Variants in PALM2AKAP2 observed in about 807,000 individuals in gnomAD.
PALM2AKAP2 encodes the protein PALM2-AKAP2 fusion protein.
A neutral mutation model predicts 71.5 loss-of-function variants in PALM2AKAP2; 37 were observed. That is an observed-to-expected ratio of 0.52 (90% CI 0.40 to 0.68). The LOEUF (loss-of-function observed/expected upper bound fraction) is 0.68, where lower values mean the gene tolerates loss of function less well. Among genes scored for constraint, PALM2AKAP2 ranks in the 30% least tolerant of loss-of-function variants. The pLI is 0.00. For missense variants in PALM2AKAP2, 1,224 were observed against 1,191.8 expected, an observed-to-expected ratio of 1.03 and a Z score of -0.40; for synonymous variants, 468 against 478.8, an observed-to-expected ratio of 0.98 and a Z score of 0.29.
At chr9:110,155,163 G>T (rs1321790895) in intron 2 of PALM2AKAP2, among the ~76,000 whole-genome samples, 32 of 152,164 alleles carry the variant, frequency 2.1e-4, no homozygotes, top group Non-Finnish European at 2.9e-5. Flanking sequence ...GCTACATCAG[G>T]CAGTTGCCAA....
chr9:109,854,233 A>T (rs1829093871), intron 1 of PALM2AKAP2, among the ~76,000 whole-genome samples: 1 of 152,242 alleles, frequency 6.6e-6, no homozygotes. Context: ...GTCACCACCA[A>T]AGAGGAGACA....
upstream of PALM2AKAP2, among the ~76,000 whole-genome samples, chr9:110,045,621 G>T (rs1313651142): frequency 6.6e-6 from 1 of 151,958 alleles, no homozygotes; most frequent in Non-Finnish European, 1.5e-5. Context: ...AGGCTGGAGT[G>T]CAGTGGTGCA....
intron 6 of PALM2AKAP2, among the ~76,000 whole-genome samples, chr9:109,940,183 G>A (rs756260542): frequency 5.3e-4 from 80 of 152,124 alleles, no homozygotes; most frequent in Non-Finnish European, 8.7e-4. Context: ...TGACAGGGAG[G>A]GGGCATCATG....
At chr9:110,024,676 T>C (rs1218308536) in intron 7 of PALM2AKAP2, among the ~76,000 whole-genome samples, 1 of 151,696 alleles carries the variant, frequency 6.6e-6, no homozygotes, top group Non-Finnish European at 1.5e-5. Flanking sequence ...CCCAGCTACA[T>C]GGGAGGCTGA....
At chr9:110,110,316 C>G (rs1394651561) in intron 1 of PALM2AKAP2, among the ~76,000 whole-genome samples, 2 of 152,094 alleles carry the variant, frequency 1.3e-5, no homozygotes, top group Non-Finnish European at 2.9e-5. Flanking sequence ...GTGCCCTAGT[C>G]AGGGCTTGGT....
At chr9:109,641,783 A>C (rs1827073940) in intron 1 of PALM2AKAP2, among the ~76,000 whole-genome samples, 1 of 152,164 alleles carries the variant, frequency 6.6e-6, no homozygotes, top group Non-Finnish European at 1.5e-5. Flanking sequence ...TCATATTTCA[A>C]GTTAGAGATA....
chr9:109,994,292 T>C (rs1214185817), intron 6 of PALM2AKAP2, among the ~76,000 whole-genome samples: 1 of 152,238 alleles, frequency 6.6e-6, no homozygotes, highest in African/African-American at 2.4e-5. Context: ...TGTATCCACT[T>C]TGATGCTAAG....
chr9:110,101,233 T>G (rs1327529202), intron 1 of PALM2AKAP2, among the ~76,000 whole-genome samples: 4 of 151,942 alleles, frequency 2.6e-5, no homozygotes, highest in Non-Finnish European at 5.9e-5. Context: ...AAACAGAAAT[T>G]TTAAAAAGAC....
intron 1 of PALM2AKAP2, among the ~76,000 whole-genome samples, chr9:109,694,815 A>AGACT (rs1827945448): frequency 6.6e-6 from 1 of 152,088 alleles, no homozygotes; most frequent in Non-Finnish European, 1.5e-5. Context: ...GTACAGAATC[A>AGACT]GACTTAGACA....
At chr9:110,065,927 A>G (rs1213021463) in intron 1 of PALM2AKAP2, among the ~76,000 whole-genome samples, 1 of 152,190 alleles carries the variant, frequency 6.6e-6, no homozygotes, top group Non-Finnish European at 1.5e-5. Flanking sequence ...TTGTGTTTAT[A>G]TGCCACATTT....
chr9:109,838,671 C>T (rs112445653), intron 1 of PALM2AKAP2, among the ~76,000 whole-genome samples: 4,936 of 152,144 alleles, frequency 0.032, 102 homozygotes, highest in Non-Finnish European at 0.042. Flanking sequence ...ATCAAATAGA[C>T]GCAACAAAAT....
chr9:110,007,083 G>A (rs908875862), intron 6 of PALM2AKAP2, among the ~76,000 whole-genome samples: 1 of 152,150 alleles, frequency 6.6e-6, no homozygotes, highest in Non-Finnish European at 1.5e-5. Flanking sequence ...TTCTTAAAAA[G>A]GGAGGAGAGG....
intron 1 of PALM2AKAP2, among the ~76,000 whole-genome samples, chr9:109,664,414 T>C (rs1223143583): frequency 6.6e-6 from 1 of 152,226 alleles, no homozygotes; most frequent in Non-Finnish European, 1.5e-5. Flanking sequence ...CATTTGCTTC[T>C]CTGTAAAGGA....
intron 1 of PALM2AKAP2, among the ~76,000 whole-genome samples, chr9:110,071,735 C>T (rs192114870): frequency 1.9e-4 from 29 of 152,228 alleles, no homozygotes; most frequent in African/African-American, 5.8e-4. Flanking sequence ...GGGTAAATTT[C>T]GGCTAAAATT....
At chr9:109,783,583 G>C (rs1359745515) in intron 1 of PALM2AKAP2, among the ~76,000 whole-genome samples, 1 of 152,178 alleles carries the variant, frequency 6.6e-6, no homozygotes, top group African/African-American at 2.4e-5. Context: ...AGAGACATGA[G>C]CCACTATACT....
At chr9:110,103,380 C>G (rs1835045475) in intron 1 of PALM2AKAP2, among the ~76,000 whole-genome samples, 1 of 152,180 alleles carries the variant, frequency 6.6e-6, no homozygotes, top group Admixed American at 6.5e-5. Flanking sequence ...CACTGCATAG[C>G]TTGTGCTAAC....
At chr9:110,093,958 A>AG (rs1490719439) in intron 1 of PALM2AKAP2, among the ~76,000 whole-genome samples, 16 of 152,286 alleles carry the variant, frequency 1.1e-4, no homozygotes, top group Admixed American at 5.2e-4. Context: ...TTTGTCTCCA[A>AG]GGGGACATTT....
At chr9:109,864,024 G>C (rs1157929779) in intron 1 of PALM2AKAP2, among the ~76,000 whole-genome samples, 1 of 151,536 alleles carries the variant, frequency 6.6e-6, no homozygotes, top group Non-Finnish European at 1.5e-5. Context: ...AGGTTGCAGT[G>C]AGCTGAGACT....
chr9:110,031,033 C>T lies in PALM2AKAP2; in HGVS notation c.582+14994C>T, dbSNP rs572867851. On this transcript the variant is annotated intron_variant, in intron 7 of 9. Transcript: ENST00000302798. The stretch of plus-strand genomic sequence containing the variant: ...GTACCAGCAGCTGCAGTTCCCACTC[C>T]GTCTCCCAAAGGGATCTGGGCTAGA... Among the ~76,000 whole-genome samples, 9 of 152,312 alleles carry T rather than the reference C, an allele frequency of 5.9e-5. No homozygotes were observed. In the South Asian group the frequency reaches 6.2e-4, roughly 11 times the overall value.
Sources: gnomAD v4.1 joint callset for allele counts (sites outside exome capture counted in the v4.1 genomes callset) on GRCh38, gnomAD v4.1.1 for gene constraint, MANE v1.5 for transcripts, NCBI Gene and HGNC (gene_info 2026-07-23, HGNC 2026-07-21) for gene names.